Variants in TLR2 observed in about 807,000 individuals in gnomAD.
The protein encoded by TLR2 is toll-like receptor 2.
TLR2 carries 7 observed loss-of-function variants against 9.1 expected under a neutral mutation model. That is an observed-to-expected ratio of 0.77 (90% CI 0.44 to 1.44). TLR2 has a LOEUF of 1.44. Among genes scored for constraint, TLR2 ranks in the 40% most tolerant of loss-of-function variants. The pLI is 0.01. For synonymous variants in TLR2, 317 were observed against 344.6 expected, an observed-to-expected ratio of 0.92 and a Z score of 0.89; for missense variants, 812 against 904.6, an observed-to-expected ratio of 0.90 and a Z score of 1.31.
chr4:153,705,190 C>T lies in TLR2; in HGVS notation c.2283C>T (p.Tyr761=). The change falls in exon 3 of 3, where the codon TAC becomes TAT. Residue 761 remains tyrosine (Y), a synonymous_variant. Transcript: ENST00000642700. Reference sequence around the variant, plus strand: ...GGAAGATAATGAACACCAAGACCTACCTGGAGTGGCCCATGGACGAGGCTC... The same window carrying T: ...GGAAGATAATGAACACCAAGACCTATCTGGAGTGGCCCATGGACGAGGCTC... The part of the protein sequence containing the change: ...KLRKIMNTKT[Y]LEWPMDEAQR... The T allele has an allele frequency of 6.2e-7, 1 of 1,613,258 alleles. No homozygotes were observed. The highest frequency in any genetic ancestry group is 8.5e-7 in the Non-Finnish European group (1 of 1,179,354).
At chr4:153,691,284 G>A (rs376939599) in intron 2 of TLR2, among the ~76,000 whole-genome samples, 66 of 152,208 alleles carry the variant, frequency 4.3e-4, no homozygotes, top group African/African-American at 1.5e-3. Context: ...TACCCACAAA[G>A]TCAGCTAAAT....
At chr4:153,684,802 G>A (rs1324067613) in intron 1 of TLR2, among the ~76,000 whole-genome samples, 3 of 150,640 alleles carry the variant, frequency 2.0e-5, no homozygotes, top group Non-Finnish European at 2.9e-5. Flanking sequence ...CACCTCCCTC[G>A]GGAGGCCGAG....
intron 2 of TLR2, among the ~76,000 whole-genome samples, chr4:153,697,191 T>A (rs953669236): frequency 3.7e-4 from 56 of 152,040 alleles, no homozygotes; most frequent in East Asian, 2.9e-3. Context: ...AGTTTTTTTT[T>A]AAAAAAATTG....
intron 2 of TLR2, among the ~76,000 whole-genome samples, chr4:153,689,212 C>T (rs1297369768): frequency 6.6e-6 from 1 of 152,086 alleles, no homozygotes; most frequent in Non-Finnish European, 1.5e-5. Flanking sequence ...TTATTCTTTC[C>T]TGAATTTGGT....
rs370445475 is a variant in TLR2, at chr4:153,701,336, TC to T, written c.-16-1553del. 2.0e-3 allele frequency among the ~76,000 whole-genome samples: 306 copies of T among 152,264 alleles called. 1 individual carries two copies. The highest frequency in any genetic ancestry group is 6.7e-3 in the African/African-American group (280 of 41,534). Reference sequence around the variant, plus strand: ...AGTGCCCCCTTGCCCTCTTGCGTTCTCCCATGTGAGGACACAGCAACAAGGC... The same window carrying T: ...AGTGCCCCCTTGCCCTCTTGCGTTCTCCATGTGAGGACACAGCAACAAGGC... On this transcript the variant is annotated intron_variant, in intron 2 of 2. Transcript: ENST00000642700.
chr4:153,706,208 T>C lies in TLR2; in HGVS notation c.*946T>C, dbSNP rs557237346. ...ACAGTGCAAGGTACAGTAAATTATG[T>C]ATTTCTGTAATTTAACAAAATAAAT... On this transcript the variant is annotated 3_prime_UTR_variant, in exon 3 of 3. Coordinates refer to ENST00000642700, the MANE Select transcript of TLR2 (RefSeq NM_001318789.2). Among the ~76,000 whole-genome samples, 1 of 152,358 alleles carries C rather than the reference T, an allele frequency of 6.6e-6. No individual in the cohort carries two copies. Among genetic ancestry groups the C allele is most frequent in the South Asian group, 2.1e-4 (1 of 4,834 alleles).
Position 153,704,266 on chromosome 4 carries a change from C to A in TLR2, c.1359C>A (p.Gly453=). The change falls in exon 3 of 3, where the codon GGC becomes GGA. Residue 453 remains glycine (G), a synonymous_variant. Transcript: ENST00000642700. The part of the protein sequence containing the change: ...LSSTRIHSVT[G]CIPKTLEILD... ...GCACACGAATACACAGTGTAACAGG[C>A]TGCATTCCCAAGACACTGGAAATTT... is the stretch of plus-strand genomic sequence containing the variant. 1 of 1,614,158 alleles carries A rather than the reference C, an allele frequency of 6.2e-7. No individual in the cohort carries two copies.
Position 153,704,357 on chromosome 4 carries a change from AT to A in TLR2, c.1453del (p.Ser485ProfsTer5). On this transcript the variant is annotated frameshift_variant, in exon 3 of 3. Transcript: ENST00000642700. LOFTEE classifies it low-confidence loss of function (END_TRUNC). ...TTTGCCGCAACTCAAAGAACTTTAT[AT>A]TTCCAGAAATAAGTTGATGACTCTA... Reference protein sequence around the residue: ...LNLPQLKELYISRNKLMTLPD... With the variant: ...LNLPQLKELYXSRNKLMTLPD... The A allele has an allele frequency of 6.2e-7, 1 of 1,613,852 alleles. No homozygotes were observed. The highest frequency in any genetic ancestry group is 8.5e-7 in the Non-Finnish European group (1 of 1,179,980).
intron 2 of TLR2, among the ~76,000 whole-genome samples, chr4:153,694,082 GC>G (rs1482551615): frequency 2.0e-5 from 3 of 152,218 alleles, no homozygotes; most frequent in African/African-American, 7.2e-5. Flanking sequence ...TTGACAGCAA[GC>G]CGGTGATAAG....
At position 153,704,386 on chromosome 4, in the gene TLR2, A is replaced by G. The variant is rs1022785075; in HGVS notation, c.1479A>G (p.Pro493=). ...YISRNKLMTL[P]DASLLPMLLV... is the part of the protein sequence containing the mutation. ...CCAGAAATAAGTTGATGACTCTACCAGATGCCTCCCTCTTACCCATGTTAC... is the reference window on the plus strand; with the variant it reads ...CCAGAAATAAGTTGATGACTCTACCGGATGCCTCCCTCTTACCCATGTTAC... Residue 493 remains proline, a synonymous_variant, in exon 3 of 3, where the codon CCA becomes CCG. Transcript: ENST00000642700. 3.7e-6 allele frequency: 6 copies of G among 1,614,014 alleles called. No individual in the cohort carries two copies. In the African/African-American group the frequency reaches 8.0e-5, roughly 22 times the overall value.
At position 153,704,372 on chromosome 4, in the gene TLR2, T is replaced by C. The variant is rs1157493285; in HGVS notation, c.1465T>C (p.Leu489=). The C allele has an allele frequency of 1.2e-6, 2 of 1,613,994 alleles. No individual in the cohort carries two copies. Among genetic ancestry groups the C allele is most frequent in the Non-Finnish European group, 1.7e-6 (2 of 1,180,032 alleles). Reference sequence around the variant, plus strand: ...AGAACTTTATATTTCCAGAAATAAGTTGATGACTCTACCAGATGCCTCCCT... The same window carrying C: ...AGAACTTTATATTTCCAGAAATAAGCTGATGACTCTACCAGATGCCTCCCT... ...LKELYISRNK[L]MTLPDASLLP... is the part of the protein sequence containing the mutation. The change falls in exon 3 of 3, where the codon TTG becomes CTG. Residue 489 remains leucine (L), a synonymous_variant. Coordinates refer to ENST00000642700, the MANE Select transcript of TLR2 (RefSeq NM_001318789.2).
At chr4:153,693,072 A>G (rs1297871900) in intron 2 of TLR2, among the ~76,000 whole-genome samples, 1 of 152,202 alleles carries the variant, frequency 6.6e-6, no homozygotes, top group South Asian at 2.1e-4. Context: ...CCATTTCCAC[A>G]TATGGCATAA....
downstream of TLR2, among the ~76,000 whole-genome samples, chr4:153,706,929 C>T (rs956878443): frequency 2.0e-5 from 3 of 152,114 alleles, no homozygotes; most frequent in African/African-American, 7.2e-5. Flanking sequence ...TTCCCATTTT[C>T]TCTGGAGGGG....
At position 153,704,740 on chromosome 4, in the gene TLR2, T is replaced by G. The variant is rs1277104932; in HGVS notation, c.1833T>G (p.Arg611=). The G allele has an allele frequency of 6.2e-7, 1 of 1,613,930 alleles. No individual in the cohort carries two copies. Among genetic ancestry groups the G allele is most frequent in the Non-Finnish European group, 8.5e-7 (1 of 1,179,970 alleles). The change falls in exon 3 of 3, where the codon CGT becomes CGG. Residue 611 remains arginine, a synonymous_variant. Transcript: ENST00000642700. The stretch of plus-strand genomic sequence containing the variant: ...TGCTCACGGGGGTCCTGTGCCACCG[T>G]TTCCATGGCCTGTGGTATATGAAAA... ...LILLTGVLCH[R]FHGLWYMKMM...
chr4:153,697,720 T>C (rs952732620), intron 2 of TLR2, among the ~76,000 whole-genome samples: 3 of 152,152 alleles, frequency 2.0e-5, no homozygotes, highest in African/African-American at 7.2e-5. Flanking sequence ...ATTAAACTAA[T>C]TGGGCTTATT....
In TLR2 at chr4:153,695,222, A is replaced by G. The variant is rs575905165; in HGVS notation, c.-17+7175A>G. 1.9e-3 allele frequency among the ~76,000 whole-genome samples: 289 copies of G among 152,220 alleles called. 1 individual carries two copies. Among genetic ancestry groups the G allele is most frequent in the Non-Finnish European group, 3.6e-3 (243 of 67,996 alleles). Reference sequence around the variant, plus strand: ...GATTGCTGGATTGTGTGGTAGCTCTACTGTTAGTCTTTTGAGGAACCTCCA... The same window carrying G: ...GATTGCTGGATTGTGTGGTAGCTCTGCTGTTAGTCTTTTGAGGAACCTCCA... On this transcript the variant is annotated intron_variant, in intron 2 of 2. Transcript: ENST00000642700.
At chr4:153,699,986 A>G (rs1736772572) in intron 2 of TLR2, among the ~76,000 whole-genome samples, 1 of 152,182 alleles carries the variant, frequency 6.6e-6, no homozygotes, top group South Asian at 2.1e-4. Flanking sequence ...TGCAGGCTGT[A>G]CAAGCATGGC....
downstream of TLR2, chr4:153,710,351 C>T: frequency 6.5e-7 from 1 of 1,543,052 alleles, no homozygotes. Context: ...CAGTATGTTG[C>T]TTCTGGGGTC....
chr4:153,698,052 C>T (rs1736626520), intron 2 of TLR2, among the ~76,000 whole-genome samples: 1 of 152,118 alleles, frequency 6.6e-6, no homozygotes, highest in African/African-American at 2.4e-5. Context: ...CTGTGAAAAA[C>T]AATTATATAA....
Sources: gnomAD v4.1 joint callset for allele counts (sites outside exome capture counted in the v4.1 genomes callset) on GRCh38, gnomAD v4.1.1 for gene constraint, MANE v1.5 for transcripts, NCBI Gene and HGNC (gene_info 2026-07-23, HGNC 2026-07-21) for gene names.